DPEP1: variants seen among roughly 807,000 people sequenced by gnomAD.
DPEP1 encodes dipeptidase 1, also known as beta-lactamase.
DPEP1 carries 50 observed loss-of-function variants against 42.3 expected under a neutral mutation model. That is an observed-to-expected ratio of 1.18 (90% confidence interval 0.94 to 1.50). DPEP1 has a LOEUF of 1.50. Ranked by LOEUF, DPEP1 falls within the 40% of genes most tolerant of loss-of-function variation. The pLI is 0.00. For missense variants in DPEP1, 663 were observed against 553.0 expected (o/e 1.20, Z -1.99); for synonymous variants, 297 against 234.0 (o/e 1.27, Z -2.46).
In DPEP1 at chr16:89,637,683, GT is replaced by G; in HGVS notation, c.906del (p.Asp304ThrfsTer21). 1 of 1,613,076 alleles carries G rather than the reference GT, an allele frequency of 6.2e-7. No individual in the cohort carries two copies. Among genetic ancestry groups the G allele is most frequent in the South Asian group, 1.1e-5 (1 of 91,082 alleles). Reference protein sequence around the residue: ...EVAGARAVGFGGDFDGVPRVP... With the variant: ...EVAGARAVGFXGDFDGVPRVP... ...GCAGGAGCCAGAGCCGTGGGTTTTG[GT>G]GGGGACTTTGATGGTGTTCCAAGGT... On this transcript the variant is annotated frameshift_variant, in exon 9 of 11. Transcript: ENST00000690203. LOFTEE classifies it high-confidence loss of function.
At chr16:89,616,072 C>CAA (rs555988336) in intron 1 of DPEP1, among the ~76,000 whole-genome samples, 37 of 140,016 alleles carry the variant, frequency 2.6e-4, no homozygotes, top group African/African-American at 9.0e-4. Flanking sequence ...GACTTCATCT[C>CAA]AAAAAAAAAA....
chr16:89,640,467 G>T (rs1364373008), downstream of DPEP1: 5 of 725,192 alleles, frequency 6.9e-6, no homozygotes, highest in East Asian at 1.3e-4. Context: ...GGAGCAGGGG[G>T]CTCCGGGGTC....
chr16:89,623,840 G>C (rs1567983097), intron 1 of DPEP1, among the ~76,000 whole-genome samples: 1 of 152,174 alleles, frequency 6.6e-6, no homozygotes, highest in Non-Finnish European at 1.5e-5. Flanking sequence ...CGGGCGACTG[G>C]AAATTCCCTG....
intron 1 of DPEP1, among the ~76,000 whole-genome samples, chr16:89,614,250 G>A (rs1270088563): frequency 2.0e-5 from 3 of 152,106 alleles, no homozygotes; most frequent in South Asian, 4.1e-4. Flanking sequence ...CCACAACCCC[G>A]CTTGTCCACT....
At chr16:89,632,379 A>G (rs2059600351) in intron 2 of DPEP1, among the ~76,000 whole-genome samples, 1 of 152,086 alleles carries the variant, frequency 6.6e-6, no homozygotes. Context: ...AGAAGCTGTT[A>G]CGGGACCCAC....
chr16:89,626,928 G>A (rs2059520946), intron 1 of DPEP1, among the ~76,000 whole-genome samples: 2 of 151,138 alleles, frequency 1.3e-5, no homozygotes, highest in Admixed American at 6.6e-5. Flanking sequence ...GACCACCCTG[G>A]CCAACATGGT....
Position 89,637,305 on chromosome 16 carries a change from C to G in DPEP1, c.693C>G (p.Val231=). 2.5e-6 allele frequency: 4 copies of G among 1,612,672 alleles called. No homozygotes were observed. The highest frequency in any genetic ancestry group is 3.4e-6 in the Non-Finnish European group (4 of 1,179,972). The change falls in exon 7 of 11, where the codon GTC becomes GTG. Residue 231 remains valine (V), a synonymous_variant. Coordinates refer to ENST00000690203, the MANE Select transcript of DPEP1 (RefSeq NM_001389466.1). The part of the protein sequence containing the change: ...KATLQLSRAP[V]IFSHSSAYSV... ...CCCTGCAGCTGTCCAGAGCCCCGGT[C>G]ATCTTCAGCCACTCCTCGGCCTACA...
At chr16:89,626,551 T>A (rs2059515180) in intron 1 of DPEP1, 1 of 152,046 alleles carries the variant, frequency 6.6e-6, no homozygotes, top group Non-Finnish European at 1.5e-5. Flanking sequence ...GGTTTCTCCA[T>A]GTTGGTCAGG....
intron 1 of DPEP1, among the ~76,000 whole-genome samples, chr16:89,625,852 C>T (rs1227586525): frequency 6.6e-6 from 1 of 152,092 alleles, no homozygotes; most frequent in Non-Finnish European, 1.5e-5. Flanking sequence ...AGACTGAGGC[C>T]GAGAAATTGA....
At chr16:89,615,144 C>T (rs1054304822) in intron 1 of DPEP1, among the ~76,000 whole-genome samples, 1 of 152,186 alleles carries the variant, frequency 6.6e-6, no homozygotes, top group African/African-American at 2.4e-5. Flanking sequence ...TCCTTGTCGA[C>T]AAAAGGTCAG....
intron 1 of DPEP1, among the ~76,000 whole-genome samples, chr16:89,615,272 C>G (rs1366478594): frequency 2.0e-5 from 3 of 152,230 alleles, no homozygotes; most frequent in African/African-American, 7.2e-5. Context: ...AAAGCGGCCT[C>G]TCAGAGCCGC....
intron 1 of DPEP1, among the ~76,000 whole-genome samples, chr16:89,626,657 G>A (rs898667353): frequency 3.3e-5 from 5 of 152,056 alleles, no homozygotes; most frequent in Non-Finnish European, 5.9e-5. Context: ...CCCAGCCTAA[G>A]ATCTGGTTTT....
downstream of DPEP1, chr16:89,640,538 G>A (rs1377882162): frequency 1.4e-5 from 14 of 983,140 alleles, no homozygotes; most frequent in Admixed American, 1.2e-4. Context: ...GAAGGGACGC[G>A]TCCTGATCTT....
chr16:89,618,191 T>C (rs2059400957), intron 1 of DPEP1, among the ~76,000 whole-genome samples: 1 of 152,090 alleles, frequency 6.6e-6, no homozygotes, highest in African/African-American at 2.4e-5. Flanking sequence ...AATTGTACAA[T>C]TCACATTTTT....
chr16:89,618,168 A>G (rs6416799), intron 1 of DPEP1, among the ~76,000 whole-genome samples: 145,478 of 152,306 alleles, frequency 0.96, 70,055 homozygotes, highest in Non-Finnish European at 1. Flanking sequence ...TTTAACTCAT[A>G]CAGAATCAAC....
At chr16:89,614,630 T>TA (rs774766892) in intron 1 of DPEP1, among the ~76,000 whole-genome samples, 1 of 151,724 alleles carries the variant, frequency 6.6e-6, no homozygotes, top group Non-Finnish European at 1.5e-5. Flanking sequence ...CCGTCTCTAA[T>TA]AAAAAATACA....
At chr16:89,636,784 C>T (rs1454951802) in intron 5 of DPEP1, 82 bp from the exon 6 acceptor site, 1 of 1,601,720 alleles carries the variant, frequency 6.2e-7, no homozygotes, top group African/African-American at 1.3e-5. Context: ...CCTGTGAGTC[C>T]CAGGCCGGGC....
At chr16:89,626,156 A>G (rs2059508682) in intron 1 of DPEP1, among the ~76,000 whole-genome samples, 1 of 152,158 alleles carries the variant, frequency 6.6e-6, no homozygotes, top group Non-Finnish European at 1.5e-5. Flanking sequence ...TTCATGTTGC[A>G]CTGGGCACTG....
intron 1 of DPEP1, among the ~76,000 whole-genome samples, chr16:89,621,244 G>A (rs2280372): frequency 0.048 from 7,313 of 151,348 alleles, 754 homozygotes; most frequent in East Asian, 0.47. Flanking sequence ...GGAAGAGCTC[G>A]CGCCCTGGTG....
Sources: gnomAD v4.1 joint callset for allele counts (sites outside exome capture counted in the v4.1 genomes callset) on GRCh38, gnomAD v4.1.1 for gene constraint, MANE v1.5 for transcripts, NCBI Gene and HGNC (gene_info 2026-07-23, HGNC 2026-07-21) for gene names.